The following APPBP2 variants were observed in gnomAD, a reference collection of about 807,000 sequenced individuals.
APPBP2 encodes the protein amyloid protein-binding protein 2.
Under a neutral mutation model 76.0 loss-of-function variants are expected in APPBP2, and 15 were observed. The ratio of observed to expected loss-of-function variants is 0.20; its 90% CI spans 0.13 to 0.30. The LOEUF (loss-of-function observed/expected upper bound fraction) is 0.30, where lower values mean the gene tolerates loss of function less well. Ranked by LOEUF, APPBP2 falls within the 10% of genes least tolerant of loss-of-function variation. The probability of loss-of-function intolerance (pLI) is 1.00; values close to 1 mark genes in which losing one functional copy is unlikely to be tolerated. For synonymous variants in APPBP2, 222 were observed against 242.2 expected (o/e 0.92, Z 0.77); for missense variants, 401 against 687.2 (o/e 0.58, Z 4.66).
chr17:60,467,389 G>T (rs1292135100), intron 4 of APPBP2, among the ~76,000 whole-genome samples: 2 of 152,122 alleles, frequency 1.3e-5, no homozygotes, highest in East Asian at 3.8e-4. Flanking sequence ...CTCATAATGA[G>T]AAAAATTCAG....
At chr17:60,464,319 G>A (rs2090495802) in intron 5 of APPBP2, among the ~76,000 whole-genome samples, 1 of 152,148 alleles carries the variant, frequency 6.6e-6, no homozygotes, top group South Asian at 2.1e-4. Context: ...ATCTGAATCA[G>A]ACGTTGTGGA....
At chr17:60,479,904 TA>T (rs2090616781) in intron 3 of APPBP2, among the ~76,000 whole-genome samples, 1 of 152,162 alleles carries the variant, frequency 6.6e-6, no homozygotes, top group African/African-American at 2.4e-5. Flanking sequence ...ACCTTCGACT[TA>T]AATAACTGCC....
intron 9 of APPBP2, 141 bp from the exon 10 acceptor site, chr17:60,456,522 A>G: frequency 1.6e-6 from 1 of 625,988 alleles, no homozygotes; most frequent in Non-Finnish European, 2.8e-6. Context: ...TTTTTGTTTT[A>G]AATTTCCAAT....
chr17:60,523,556 C>T (rs904925633), intron 1 of APPBP2, among the ~76,000 whole-genome samples: 9 of 151,950 alleles, frequency 5.9e-5, no homozygotes, highest in Non-Finnish European at 1.3e-4. Flanking sequence ...AAGTCAGGTG[C>T]GGTGGCATAT....
At chr17:60,523,017 A>C (rs1052292348) in intron 1 of APPBP2, among the ~76,000 whole-genome samples, 10 of 152,042 alleles carry the variant, frequency 6.6e-5, no homozygotes, top group African/African-American at 1.9e-4. Flanking sequence ...CCTTTATCTG[A>C]AGCTATTACA....
At chr17:60,481,391 G>C (rs2090627267) in intron 3 of APPBP2, among the ~76,000 whole-genome samples, 1 of 152,128 alleles carries the variant, frequency 6.6e-6, no homozygotes, top group African/African-American at 2.4e-5. Context: ...AAGAGTTCAA[G>C]ACCAGCCTGG....
rs1248844149 is a variant in APPBP2 at position 60,447,579 on chromosome 17, C to A, written c.*2G>T. 6.2e-7 allele frequency: 1 copy of A among 1,607,314 alleles called. No individual in the cohort carries two copies. Among genetic ancestry groups the A allele is most frequent in the Middle Eastern group, 1.7e-4 (1 of 5,950 alleles). On this transcript the variant is annotated 3_prime_UTR_variant, in exon 13 of 13. Transcript: ENST00000083182. ...AGGTAATTGGTTAACTGAGGTCCTC[C>A]CTCAGCAGCTCGGTCCCTCGACATT...
intron 3 of APPBP2, among the ~76,000 whole-genome samples, chr17:60,488,023 C>A (rs1471438798): frequency 6.6e-6 from 1 of 152,204 alleles, no homozygotes; most frequent in Admixed American, 6.5e-5. Flanking sequence ...GTATCACCAG[C>A]GAAAGCTGCA....
chr17:60,456,685 C>T (rs1234810407), intron 9 of APPBP2, among the ~76,000 whole-genome samples: 1 of 152,214 alleles, frequency 6.6e-6, no homozygotes, highest in Non-Finnish European at 1.5e-5. Context: ...CAACCCTCTC[C>T]GCCTTCCCCT....
intron 3 of APPBP2, among the ~76,000 whole-genome samples, chr17:60,490,591 C>T (rs2090720001): frequency 6.6e-6 from 1 of 152,134 alleles, no homozygotes; most frequent in Middle Eastern, 3.2e-3. Context: ...ACTGCTTGAG[C>T]CCAAGTTTGA....
At chr17:60,498,779 A>G (rs1436047359) in intron 2 of APPBP2, among the ~76,000 whole-genome samples, 2 of 152,214 alleles carry the variant, frequency 1.3e-5, no homozygotes, top group African/African-American at 2.4e-5. Context: ...CTGGAAAAAG[A>G]CAAGACAGGG....
chr17:60,474,338 A>AT (rs1456506716), intron 4 of APPBP2, among the ~76,000 whole-genome samples: 1 of 151,528 alleles, frequency 6.6e-6, no homozygotes, highest in African/African-American at 2.4e-5. Flanking sequence ...TGCCCAGTTA[A>AT]TTTTTTTGTA....
intron 4 of APPBP2, among the ~76,000 whole-genome samples, chr17:60,477,137 A>G (rs2090596434): frequency 6.6e-6 from 1 of 152,206 alleles, no homozygotes; most frequent in South Asian, 2.1e-4. Flanking sequence ...CTTACTGCCT[A>G]TTAACACTTG....
intron 1 of APPBP2, among the ~76,000 whole-genome samples, chr17:60,519,459 T>G (rs185042692): frequency 1.8e-4 from 28 of 151,964 alleles, no homozygotes; most frequent in Admixed American, 1.8e-3. Context: ...AAAAAAAATT[T>G]TTAAGGTTTT....
At chr17:60,512,093 TTTATTA>T (rs1036048957) in intron 1 of APPBP2, among the ~76,000 whole-genome samples, 1 of 148,470 alleles carries the variant, frequency 6.7e-6, no homozygotes, top group Middle Eastern at 3.2e-3. Flanking sequence ...GAGGTGTTTT[TTTATTA>T]TTATTATTAT....
At chr17:60,515,804 G>T (rs7214631) in intron 1 of APPBP2, among the ~76,000 whole-genome samples, 77 of 152,210 alleles carry the variant, frequency 5.1e-4, no homozygotes, top group Non-Finnish European at 9.0e-4. Context: ...CTTTCAATGA[G>T]ATCTTTATGA....
chr17:60,522,818 T>C (rs760833579), intron 1 of APPBP2, among the ~76,000 whole-genome samples: 3 of 152,028 alleles, frequency 2.0e-5, no homozygotes, highest in Non-Finnish European at 4.4e-5. Flanking sequence ...ATTCTCTTGG[T>C]TTCTGCCACT....
intron 3 of APPBP2, among the ~76,000 whole-genome samples, chr17:60,488,482 T>C (rs1305160057): frequency 6.6e-6 from 1 of 152,194 alleles, no homozygotes; most frequent in South Asian, 2.1e-4. Context: ...AGACAGAAAG[T>C]AGATGATGTT....
At chr17:60,458,787 T>C (rs1009331193) in intron 9 of APPBP2, among the ~76,000 whole-genome samples, 6 of 152,050 alleles carry the variant, frequency 3.9e-5, no homozygotes, top group Non-Finnish European at 8.8e-5. Context: ...TTTTTGTTTT[T>C]TTTTTTGAGA....
Sources: gnomAD v4.1 joint callset for allele counts (sites outside exome capture counted in the v4.1 genomes callset) on GRCh38, gnomAD v4.1.1 for gene constraint, MANE v1.5 for transcripts, NCBI Gene and HGNC (gene_info 2026-07-23, HGNC 2026-07-21) for gene names.